The following PLCB1 variants were observed in gnomAD, a reference collection of about 807,000 sequenced individuals.
PLCB1 encodes the protein 1-phosphatidylinositol 4,5-bisphosphate phosphodiesterase beta-1.
PLCB1 carries 46 observed loss-of-function variants against 161.8 expected under a neutral mutation model. That is an observed-to-expected ratio of 0.28 (90% CI 0.22 to 0.36). The LOEUF is 0.36. Among genes scored for constraint, PLCB1 ranks in the 10% least tolerant of loss-of-function variants. The probability of loss-of-function intolerance (pLI) is 1.00; values close to 1 mark genes in which losing one functional copy is unlikely to be tolerated. For missense variants in PLCB1, 1,016 were observed against 1,472.5 expected, an observed-to-expected ratio of 0.69 and a Z score of 5.07; for synonymous variants, 517 against 503.7, an observed-to-expected ratio of 1.03 and a Z score of -0.35.
At position 8,712,202 on chromosome 20, in the gene PLCB1, G is replaced by A. The variant is rs576258406; in HGVS notation, c.1250+3450G>A. ...CCCAGTTACTCAGGAGGCTGAGGCA[G>A]GAGAATCGCTTGAACCTGGGAGGCA... On this transcript the variant is annotated intron_variant, in intron 12 of 31. Coordinates refer to ENST00000338037, the MANE Select transcript of PLCB1 (RefSeq NM_015192.4). Among the ~76,000 whole-genome samples the A allele has an allele frequency of 6.3e-4, 96 of 152,164 alleles. 1 individual carries two copies. The highest frequency in any genetic ancestry group is 2.3e-3 in the African/African-American group (95 of 41,526).
intron 31 of PLCB1, among the ~76,000 whole-genome samples, chr20:8,858,403 G>T (rs1600098931): frequency 6.6e-6 from 1 of 152,234 alleles, no homozygotes; most frequent in African/African-American, 2.4e-5. Flanking sequence ...TCTTTTGGCA[G>T]TAGACCCTGA....
intron 2 of PLCB1, among the ~76,000 whole-genome samples, chr20:8,209,134 C>T (rs6108120): frequency 6.6e-6 from 1 of 152,092 alleles, no homozygotes; most frequent in African/African-American, 2.4e-5. Context: ...GGTGGCCGTC[C>T]TGACCACAGG....
rs184124474 is a variant in PLCB1, at chr20:8,526,268, C to G, written c.247-102026C>G. On this transcript the variant is annotated intron_variant, in intron 3 of 31. Coordinates refer to ENST00000338037, the MANE Select transcript of PLCB1 (RefSeq NM_015192.4). Reference sequence around the variant, plus strand: ...CTATAAATGAAGCTGTCACACAGACCTGAAATTTTATTTGAGCACTGGCTC... The same window carrying G: ...CTATAAATGAAGCTGTCACACAGACGTGAAATTTTATTTGAGCACTGGCTC... 3.9e-3 allele frequency among the ~76,000 whole-genome samples: 594 copies of G among 152,168 alleles called. 7 individuals are homozygous for G. Among genetic ancestry groups the G allele is most frequent in the Non-Finnish European group, 6.3e-3 (428 of 67,992 alleles).
intron 2 of PLCB1, among the ~76,000 whole-genome samples, chr20:8,286,031 G>A (rs1983102809): frequency 2.6e-5 from 4 of 152,196 alleles, no homozygotes; most frequent in Admixed American, 2.6e-4. Context: ...TAAGAGAAAA[G>A]GATAAATTTT....
At position 8,301,952 on chromosome 20, in the gene PLCB1, C is replaced by T. The variant is rs572865918; in HGVS notation, c.178-69430C>T. Among the ~76,000 whole-genome samples the T allele has an allele frequency of 5.3e-5, 8 of 152,182 alleles. No individual in the cohort carries two copies. The East Asian group carries it at 1.5e-3, about 29-fold the overall frequency. On this transcript the variant is annotated intron_variant, in intron 2 of 31. Coordinates refer to ENST00000338037, the MANE Select transcript of PLCB1 (RefSeq NM_015192.4). ...GCTGGTTCTGTGACTTTGGACAAAT[C>T]ATTTAATCCTTTTGCCTCAACTGCT...
At chr20:8,435,675 G>T (rs1210663193) in intron 3 of PLCB1, among the ~76,000 whole-genome samples, 1 of 152,154 alleles carries the variant, frequency 6.6e-6, no homozygotes, top group Non-Finnish European at 1.5e-5. Flanking sequence ...GAATGAGCTT[G>T]GAAGTGGATT....
chr20:8,686,074 G>A (rs1345469004), intron 10 of PLCB1, among the ~76,000 whole-genome samples: 3 of 152,182 alleles, frequency 2.0e-5, no homozygotes, highest in East Asian at 3.9e-4. Context: ...ATAAGTATAA[G>A]TAAAATGTTG....
At chr20:8,354,034 A>G (rs1986279136) in intron 2 of PLCB1, among the ~76,000 whole-genome samples, 2 of 151,050 alleles carry the variant, frequency 1.3e-5, no homozygotes, top group Admixed American at 6.6e-5. Context: ...AAAAAAAAAG[A>G]CCAAAGCTAA....
intron 3 of PLCB1, among the ~76,000 whole-genome samples, chr20:8,514,442 C>T (rs1293571694): frequency 1.5e-5 from 2 of 130,306 alleles, no homozygotes; most frequent in East Asian, 4.3e-4. Flanking sequence ...GAGACTCCAT[C>T]TCCAAAAAAA....
At chr20:8,812,363 G>A (rs565539538) in intron 31 of PLCB1, among the ~76,000 whole-genome samples, 1 of 152,202 alleles carries the variant, frequency 6.6e-6, no homozygotes, top group South Asian at 2.1e-4. Context: ...GAAGGGACAC[G>A]AAAGCTCTTG....
chr20:8,197,239 G>C (rs6039086), intron 2 of PLCB1, among the ~76,000 whole-genome samples: 1 of 152,058 alleles, frequency 6.6e-6, no homozygotes, highest in African/African-American at 2.4e-5. Flanking sequence ...CTGAGGAATC[G>C]CCACACTGTC....
intron 31 of PLCB1, among the ~76,000 whole-genome samples, chr20:8,852,039 G>T (rs73600211): frequency 0.27 from 41,631 of 152,042 alleles, 6,026 homozygotes; most frequent in Middle Eastern, 0.4. Context: ...AACAAAAAAA[G>T]AAGCCAGATG....
At chr20:8,161,388 C>T (rs2051621252) in intron 2 of PLCB1, among the ~76,000 whole-genome samples, 1 of 152,116 alleles carries the variant, frequency 6.6e-6, no homozygotes, top group Admixed American at 6.5e-5. Flanking sequence ...CTACTATTAT[C>T]TACATTTAAA....
At chr20:8,619,240 G>A (rs1022973325) in intron 3 of PLCB1, among the ~76,000 whole-genome samples, 1 of 152,026 alleles carries the variant, frequency 6.6e-6, no homozygotes, top group Non-Finnish European at 1.5e-5. Context: ...CCAACATGGT[G>A]AAACCCCGTC....
chr20:8,563,413 A>G (rs1986212679), intron 3 of PLCB1, among the ~76,000 whole-genome samples: 2 of 151,944 alleles, frequency 1.3e-5, no homozygotes, highest in African/African-American at 2.4e-5. Context: ...CCCACTTCTC[A>G]ACCTCCTCTT....
At chr20:8,182,259 C>G (rs890034927) in intron 2 of PLCB1, among the ~76,000 whole-genome samples, 1 of 152,184 alleles carries the variant, frequency 6.6e-6, no homozygotes, top group Non-Finnish European at 1.5e-5. Context: ...TGGCATACCT[C>G]TTTGCAGTTT....
chr20:8,320,407 T>C (rs1984858136), intron 2 of PLCB1, among the ~76,000 whole-genome samples: 1 of 152,166 alleles, frequency 6.6e-6, no homozygotes. Context: ...CTTCCCTATT[T>C]TGGAGATGAG....
chr20:8,161,591 G>A (rs986596286), intron 2 of PLCB1, among the ~76,000 whole-genome samples: 5 of 152,028 alleles, frequency 3.3e-5, no homozygotes, highest in African/African-American at 1.2e-4. Context: ...TTTTTCCTTG[G>A]ATTTGTTTGA....
chr20:8,234,559 A>G (rs879766819), intron 2 of PLCB1, among the ~76,000 whole-genome samples: 4 of 152,140 alleles, frequency 2.6e-5, no homozygotes, highest in African/African-American at 4.8e-5. Flanking sequence ...TGAAATTTCC[A>G]CGTCCTATTA....
Sources: gnomAD v4.1 joint callset for allele counts (sites outside exome capture counted in the v4.1 genomes callset) on GRCh38, gnomAD v4.1.1 for gene constraint, MANE v1.5 for transcripts, NCBI Gene and HGNC (gene_info 2026-07-23, HGNC 2026-07-21) for gene names.